Variants in ABRAXAS2 observed in about 807,000 individuals in gnomAD.
The protein encoded by ABRAXAS2 is abraxas 2, BRISC complex subunit.
In ABRAXAS2, 23 loss-of-function variants were observed where a neutral mutation model predicts 49.0. The ratio of observed to expected loss-of-function variants is 0.47; its 90% confidence interval spans 0.34 to 0.66. ABRAXAS2 has a LOEUF of 0.66. Ranked by LOEUF, ABRAXAS2 falls within the 30% of genes least tolerant of loss-of-function variation. The pLI, the probability that ABRAXAS2 is intolerant of heterozygous loss-of-function variation, is 0.01. For synonymous variants in ABRAXAS2, 168 were observed against 180.2 expected (o/e 0.93, Z 0.54); for missense variants, 443 against 511.9 (o/e 0.87, Z 1.30).
intron 2 of ABRAXAS2, among the ~76,000 whole-genome samples, chr10:124,810,109 T>C (rs1019214418): frequency 6.6e-6 from 1 of 152,186 alleles, no homozygotes; most frequent in African/African-American, 2.4e-5. Context: ...TAGTATATTT[T>C]ATGTGTGGAC....
rs555772974 is a variant in ABRAXAS2, at chr10:124,802,552, A to G, written c.72+651A>G. Among the ~76,000 whole-genome samples, 103 of 152,288 alleles carry G rather than the reference A, an allele frequency of 6.8e-4. 2 individuals are homozygous for G. The South Asian group carries it at 0.021, about 30-fold the overall frequency. The stretch of plus-strand genomic sequence containing the variant: ...GAAATAGGGAAGTGACAGGCCCACT[A>G]CTGAGTGATGGGAAATGCATAGGCT... On this transcript the variant is annotated intron_variant, in intron 1 of 8. Coordinates refer to ENST00000298492, the MANE Select transcript of ABRAXAS2 (RefSeq NM_032182.4).
rs77552798 is a variant in ABRAXAS2 at position 124,810,387 on chromosome 10, C to T, written c.163+3466C>T. ...CAAGAAATTTTTATAATTAGCCAGG[C>T]GTGGTGTTGTGCTTCTGTAGTCCTA... is the stretch of plus-strand genomic sequence containing the variant. On this transcript the variant is annotated intron_variant, in intron 2 of 8. Coordinates refer to ENST00000298492, the MANE Select transcript of ABRAXAS2 (RefSeq NM_032182.4). 2.2e-4 allele frequency among the ~76,000 whole-genome samples: 33 copies of T among 152,092 alleles called. No homozygotes were observed. In the East Asian group the frequency reaches 5.6e-3, roughly 26 times the overall value.
chr10:124,815,351 C>T (rs1950817242), intron 2 of ABRAXAS2, among the ~76,000 whole-genome samples: 1 of 152,094 alleles, frequency 6.6e-6, no homozygotes, highest in Admixed American at 6.5e-5. Flanking sequence ...CCCACCAACA[C>T]GCCTGGCTAA....
At chr10:124,832,356 G>A (rs773285885) in intron 8 of ABRAXAS2, among the ~76,000 whole-genome samples, 2 of 152,160 alleles carry the variant, frequency 1.3e-5, no homozygotes, top group African/African-American at 2.4e-5. Context: ...CATGTTTGCT[G>A]TAACACCACC....
At chr10:124,805,146 A>G (rs2134156925) in intron 1 of ABRAXAS2, among the ~76,000 whole-genome samples, 1 of 152,228 alleles carries the variant, frequency 6.6e-6, no homozygotes, top group Admixed American at 6.5e-5. Flanking sequence ...ATCCTGGCTA[A>G]CAAGGTGAAA....
In ABRAXAS2 at chr10:124,824,454, A is replaced by G. The variant is rs188461968; in HGVS notation, c.268-2141A>G. On this transcript the variant is annotated intron_variant, in intron 4 of 8. Coordinates refer to ENST00000298492, the MANE Select transcript of ABRAXAS2 (RefSeq NM_032182.4). ...TGAGGCATGAGAATTGCTTGAACCT[A>G]GGAGGTGGAGGTTGCTTGAGCCAAG... Among the ~76,000 whole-genome samples, 149 of 149,130 alleles carry G rather than the reference A, an allele frequency of 1.0e-3. 1 individual carries two copies. The East Asian group carries it at 0.026, about 26-fold the overall frequency.
At chr10:124,802,651 G>A (rs1170441892) in intron 1 of ABRAXAS2, among the ~76,000 whole-genome samples, 4 of 152,144 alleles carry the variant, frequency 2.6e-5, no homozygotes, top group African/African-American at 9.7e-5. Flanking sequence ...AACGTCATTG[G>A]CCTCTGATTG....
intron 1 of ABRAXAS2, among the ~76,000 whole-genome samples, chr10:124,805,340 CA>C (rs918638865): frequency 0.011 from 930 of 84,742 alleles, 7 homozygotes; most frequent in African/African-American, 0.027. Flanking sequence ...GACTCCGTCT[CA>C]AAAAAAAAAA....
At position 124,834,728 on chromosome 10, in the gene ABRAXAS2, A is replaced by G. The variant is rs775860704; in HGVS notation, c.1005A>G (p.Gln335=). ...GGAGTGTCTTTATGCCTCGACCTCA[A>G]GCTGTGGGCTCTTCCAATTATGCTT... ...MERSVFMPRP[Q]AVGSSNYAST... The change falls in exon 9 of 9, where the codon CAA becomes CAG. Residue 335 remains glutamine, a synonymous_variant. Transcript: ENST00000298492. 6.2e-7 allele frequency: 1 copy of G among 1,614,118 alleles called. No individual in the cohort carries two copies. Among genetic ancestry groups the G allele is most frequent in the South Asian group, 1.1e-5 (1 of 91,078 alleles).
chr10:124,828,648 A>T, intron 5 of ABRAXAS2, 108 bp from the exon 6 acceptor site: 1 of 1,031,906 alleles, frequency 9.7e-7, no homozygotes, highest in Non-Finnish European at 1.4e-6. Context: ...TGCTGAGATT[A>T]GAGGTGTGAG....
intron 1 of ABRAXAS2, among the ~76,000 whole-genome samples, chr10:124,803,228 G>A (rs1329291186): frequency 6.6e-6 from 1 of 152,126 alleles, no homozygotes; most frequent in Non-Finnish European, 1.5e-5. Context: ...TAATTCAAGA[G>A]ATATCCCTTA....
chr10:124,807,053 C>A (rs1248134052), intron 2 of ABRAXAS2, 132 bp downstream of exon 2: 20 of 622,310 alleles, frequency 3.2e-5, no homozygotes, highest in Admixed American at 1.8e-4. Context: ...TGGCTCACGC[C>A]TGTAATCCCA....
chr10:124,802,130 C>T (rs1487068310), intron 1 of ABRAXAS2, among the ~76,000 whole-genome samples: 3 of 152,206 alleles, frequency 2.0e-5, no homozygotes, highest in Non-Finnish European at 4.4e-5. Flanking sequence ...CTCGGCCGTC[C>T]CGGCACAGCC....
Position 124,810,952 on chromosome 10 carries a change from G to A in ABRAXAS2, c.163+4031G>A, listed in dbSNP as rs576190457. Among the ~76,000 whole-genome samples the A allele has an allele frequency of 1.0e-4, 15 of 149,956 alleles. 1 individual carries two copies. In the South Asian group the frequency reaches 3.2e-3, roughly 32 times the overall value. On this transcript the variant is annotated intron_variant, in intron 2 of 8. Transcript: ENST00000298492. ...AACCCTAAAACAGCCGGGCGTGGTG[G>A]CTCACGCCTGTAATCCCAGCACTTT...
At chr10:124,833,278 G>A (rs2134174589) in intron 8 of ABRAXAS2, among the ~76,000 whole-genome samples, 1 of 149,126 alleles carries the variant, frequency 6.7e-6, no homozygotes, top group African/African-American at 2.5e-5. Context: ...ACCAGCCTGG[G>A]CAACATGGCA....
chr10:124,809,577 C>T (rs552437805), intron 2 of ABRAXAS2, among the ~76,000 whole-genome samples: 38 of 151,960 alleles, frequency 2.5e-4, no homozygotes, highest in East Asian at 3.9e-4. Context: ...TGAGCCACCA[C>T]GCCTGGCCCC....
At chr10:124,831,323 A>G (rs754007696) in intron 7 of ABRAXAS2, 26 bp from the exon 8 acceptor site, 1 of 1,413,032 alleles carries the variant, frequency 7.1e-7, no homozygotes, top group Non-Finnish European at 1.0e-6. Context: ...ACTTGAAGCT[A>G]ACCTCGTTGT....
At chr10:124,826,189 C>T (rs1950894943) in intron 4 of ABRAXAS2, among the ~76,000 whole-genome samples, 2 of 152,342 alleles carry the variant, frequency 1.3e-5, no homozygotes, top group African/African-American at 2.4e-5. Context: ...GCATCTCCTT[C>T]ACCTACAAAA....
rs773339009 is a variant in ABRAXAS2, at chr10:124,801,821, A to G, written c.-9A>G. ...GCGGGGCATGATGGGGTAGCTGGAG[A>G]TTTCCATCATGGCGGCGTCCATTTC... On this transcript the variant is annotated 5_prime_UTR_variant, in exon 1 of 9. Transcript: ENST00000298492. The G allele has an allele frequency of 5.6e-6, 9 of 1,612,300 alleles. No individual in the cohort carries two copies. The highest frequency in any genetic ancestry group is 1.7e-5 in the Admixed American group (1 of 59,900).
Sources: gnomAD v4.1 joint callset for allele counts (sites outside exome capture counted in the v4.1 genomes callset) on GRCh38, gnomAD v4.1.1 for gene constraint, MANE v1.5 for transcripts, NCBI Gene and HGNC (gene_info 2026-07-23, HGNC 2026-07-21) for gene names.